The following RASA3 variants were observed in gnomAD, a reference collection of about 807,000 sequenced individuals.
The protein encoded by RASA3 is ras GTPase-activating protein 3.
In RASA3, 73 loss-of-function variants were observed where a neutral mutation model predicts 110.0. That is an observed-to-expected ratio of 0.66 (90% CI 0.55 to 0.81). The LOEUF is 0.81. Among genes scored for constraint, RASA3 ranks in the 30% least tolerant of loss-of-function variants. The pLI, the probability that RASA3 is intolerant of heterozygous loss-of-function variation, is 0.00. For missense variants in RASA3, 976 were observed against 1,113.2 expected, an observed-to-expected ratio of 0.88 and a Z score of 1.75; for synonymous variants, 500 against 451.4, an observed-to-expected ratio of 1.11 and a Z score of -1.37.
chr13:114,123,721 G>A (rs1204974410), intron 1 of RASA3, among the ~76,000 whole-genome samples: 1 of 152,230 alleles, frequency 6.6e-6, no homozygotes, highest in Non-Finnish European at 1.5e-5. Flanking sequence ...CCCATCCTGG[G>A]GCGAGGGAGG....
intron 3 of RASA3, among the ~76,000 whole-genome samples, chr13:114,050,510 A>C (rs1428553010): frequency 2.0e-5 from 3 of 152,272 alleles, no homozygotes; most frequent in Non-Finnish European, 4.4e-5. Context: ...CAACAGTCCC[A>C]AAAATGTCCG....
chr13:114,045,024 G>C (rs1050241858), intron 3 of RASA3, among the ~76,000 whole-genome samples: 3 of 152,104 alleles, frequency 2.0e-5, no homozygotes, highest in Non-Finnish European at 4.4e-5. Flanking sequence ...AAATCCCTTC[G>C]AGAAGGGATC....
intron 22 of RASA3, among the ~76,000 whole-genome samples, chr13:113,991,688 G>A (rs573535637): frequency 1.4e-4 from 21 of 152,256 alleles, no homozygotes; most frequent in South Asian, 1.0e-3. Context: ...TGAAACACAC[G>A]GTGTGCCTGG....
chr13:113,994,244 C>T (rs2053184680), intron 21 of RASA3, among the ~76,000 whole-genome samples: 1 of 152,084 alleles, frequency 6.6e-6, no homozygotes, highest in Non-Finnish European at 1.5e-5. Context: ...ACTGTATATG[C>T]CTTTTGAGCT....
intron 2 of RASA3, among the ~76,000 whole-genome samples, chr13:114,062,203 A>G (rs1191583879): frequency 1.3e-5 from 2 of 149,726 alleles, no homozygotes; most frequent in East Asian, 3.9e-4. Flanking sequence ...TTTTTTACTT[A>G]CTTATGATTT....
At chr13:113,990,762 T>C (rs190107539) in intron 22 of RASA3, among the ~76,000 whole-genome samples, 2 of 152,356 alleles carry the variant, frequency 1.3e-5, no homozygotes, top group East Asian at 3.8e-4. Flanking sequence ...TGTGAGCGTG[T>C]TGTGTTCAAC....
chr13:113,994,584 G>C (rs1040961731), intron 21 of RASA3, among the ~76,000 whole-genome samples: 1 of 152,108 alleles, frequency 6.6e-6, no homozygotes, highest in East Asian at 1.9e-4. Flanking sequence ...GATCGCTTGA[G>C]CCCAGGAGTT....
rs1199143512 is a variant in RASA3 at position 114,011,675 on chromosome 13, C to A, written c.1513-427G>T. Reference sequence around the variant, plus strand: ...TGGTGGCTCACGCCTGTAATCCCAGCACTTCGGGAGGCCGAGGCAGGTAGA... The same window carrying A: ...TGGTGGCTCACGCCTGTAATCCCAGAACTTCGGGAGGCCGAGGCAGGTAGA... On this transcript the variant is annotated intron_variant, in intron 15 of 23. Transcript: ENST00000334062. The surrounding 1 kb of genome is among the most constrained non-coding windows in gnomAD (Gnocchi z 4.8). 6.6e-6 allele frequency among the ~76,000 whole-genome samples: 1 copy of A among 152,150 alleles called. No individual in the cohort carries two copies. Among genetic ancestry groups the A allele is most frequent in the Non-Finnish European group, 1.5e-5 (1 of 68,028 alleles).
chr13:114,000,739 C>A, intron 19 of RASA3, 87 bp downstream of exon 19: 1 of 1,007,730 alleles, frequency 9.9e-7, no homozygotes, highest in South Asian at 1.3e-5. Flanking sequence ...TCCTTCCTCC[C>A]CTCAGCTCTC....
intron 1 of RASA3, among the ~76,000 whole-genome samples, chr13:114,124,949 C>T (rs2080426030): frequency 6.6e-6 from 1 of 152,178 alleles, no homozygotes; most frequent in African/African-American, 2.4e-5. Flanking sequence ...TACGGAAGGC[C>T]TTGTATTCCT....
At position 114,015,250 on chromosome 13, in the gene RASA3, A is replaced by G; in HGVS notation, c.1364T>C (p.Ile455Thr). The change falls in exon 14 of 24, where the codon ATC (isoleucine) becomes ACC (threonine). Residue 455 changes from isoleucine (I) to threonine (T), a missense_variant. Transcript: ENST00000334062. ...CGCCGCCTCCCGGAGGGAGAAGAAG[A>G]TGTCACACATGACGGTCGGGCAGCT... The part of the protein sequence containing the change: ...GVSCPTVMCD[I>T]FFSLREAAAK... The G allele has an allele frequency of 1.9e-6, 3 of 1,613,166 alleles. No individual in the cohort carries two copies. Among genetic ancestry groups the G allele is most frequent in the Non-Finnish European group, 2.5e-6 (3 of 1,179,980 alleles).
chr13:114,131,851 A>G (rs1468297412), intron 1 of RASA3, among the ~76,000 whole-genome samples: 1 of 151,278 alleles, frequency 6.6e-6, no homozygotes, highest in Non-Finnish European at 1.5e-5. Context: ...CCGCCCACAC[A>G]TGGACACACA....
intron 4 of RASA3, chr13:114,036,124 G>A (rs936271903): frequency 4.6e-5 from 7 of 152,376 alleles, no homozygotes; most frequent in Admixed American, 2.6e-4. Flanking sequence ...CCAGATCACC[G>A]CGGATGCCTC....
intron 1 of RASA3, among the ~76,000 whole-genome samples, chr13:114,075,565 C>T (rs74602444): frequency 0.015 from 831 of 54,004 alleles, 55 homozygotes; most frequent in Middle Eastern, 0.022. Context: ...CTCCCGTGTC[C>T]GCGCCGCGTA....
At chr13:113,981,111 T>C (rs996640662) in intron 23 of RASA3, among the ~76,000 whole-genome samples, 1 of 152,192 alleles carries the variant, frequency 6.6e-6, no homozygotes, top group African/African-American at 2.4e-5. Context: ...TTACATAGTT[T>C]AAGTCAATCT....
intron 4 of RASA3, among the ~76,000 whole-genome samples, chr13:114,033,077 C>T (rs2054204808): frequency 2.5e-5 from 1 of 40,800 alleles, no homozygotes; most frequent in African/African-American, 1.1e-4. Context: ...CACCCCCACA[C>T]TTGATACCAT....
chr13:114,044,726 G>A (rs2079024193), intron 3 of RASA3, among the ~76,000 whole-genome samples: 1 of 150,992 alleles, frequency 6.6e-6, no homozygotes, highest in African/African-American at 2.4e-5. Flanking sequence ...TTAAAACTGA[G>A]TTGGGCAATA....
intron 1 of RASA3, among the ~76,000 whole-genome samples, chr13:114,079,273 C>T (rs1264707663): frequency 3.3e-5 from 5 of 152,196 alleles, no homozygotes; most frequent in Non-Finnish European, 7.3e-5. Context: ...AACTACAGGT[C>T]GGCCTCACTG....
intron 3 of RASA3, among the ~76,000 whole-genome samples, chr13:114,047,899 C>G (rs941011903): frequency 1.3e-5 from 2 of 152,226 alleles, no homozygotes; most frequent in Non-Finnish European, 2.9e-5. Context: ...AGGAGTGTTC[C>G]GGGCTGTGGG....
Sources: gnomAD v4.1 joint callset for allele counts (sites outside exome capture counted in the v4.1 genomes callset) on GRCh38, gnomAD v4.1.1 for gene constraint, Gnocchi (gnomAD v3.1) non-coding constraint, MANE v1.5 for transcripts, NCBI Gene and HGNC (gene_info 2026-07-23, HGNC 2026-07-21) for gene names.